The following STPG2 variants were observed in gnomAD, a reference collection of about 807,000 sequenced individuals.
STPG2 encodes sperm tail PG-rich repeat containing 2, also known as sperm-tail PG-rich repeat-containing protein 2.
A neutral mutation model predicts 54.2 loss-of-function variants in STPG2; 56 were observed. The observed-to-expected ratio is 1.03, with a 90% CI of 0.83 to 1.29. STPG2 has a LOEUF of 1.29. STPG2 is among the 50% of genes most tolerant of loss of function. The pLI is 0.00. For missense variants in STPG2, 596 were observed against 544.9 expected, an observed-to-expected ratio of 1.09 and a Z score of -0.93; for synonymous variants, 200 against 181.8, an observed-to-expected ratio of 1.10 and a Z score of -0.81.
At chr4:98,006,206 G>A (rs1032851999) in intron 5 of STPG2, among the ~76,000 whole-genome samples, 10 of 152,158 alleles carry the variant, frequency 6.6e-5, no homozygotes, top group Non-Finnish European at 1.0e-4. Context: ...AAGAGAAGTT[G>A]GTCAGACAGC....
chr4:97,515,823 TATAG>T (rs1374852711), intron 4 of STPG2, among the ~76,000 whole-genome samples: 1 of 152,022 alleles, frequency 6.6e-6, no homozygotes, highest in Non-Finnish European at 1.5e-5. Flanking sequence ...TGTGTATATA[TATAG>T]AGAGAGAGGT....
intron 4 of STPG2, among the ~76,000 whole-genome samples, chr4:97,543,999 A>G (rs1485974171): frequency 2.0e-5 from 3 of 152,134 alleles, no homozygotes; most frequent in African/African-American, 7.2e-5. Flanking sequence ...AAAAACCTTA[A>G]TCATAATAGA....
intron 5 of STPG2, among the ~76,000 whole-genome samples, chr4:98,033,141 T>C (rs1736653350): frequency 6.7e-6 from 1 of 150,026 alleles, no homozygotes; most frequent in South Asian, 2.1e-4. Context: ...AAAAAACCCT[T>C]CAAAAAAATC....
chr4:97,851,409 G>C (rs559604690), intron 8 of STPG2, among the ~76,000 whole-genome samples: 1 of 152,276 alleles, frequency 6.6e-6, no homozygotes, highest in East Asian at 1.9e-4. Flanking sequence ...TTCCATGACA[G>C]TAGGGCTGAC....
At chr4:97,904,091 G>A (rs1003421303) in intron 8 of STPG2, among the ~76,000 whole-genome samples, 1 of 152,226 alleles carries the variant, frequency 6.6e-6, no homozygotes, top group Non-Finnish European at 1.5e-5. Context: ...ACTGGGTGGA[G>A]CCCACCACAG....
intron 4 of STPG2, among the ~76,000 whole-genome samples, chr4:97,481,867 C>G (rs901514878): frequency 6.6e-6 from 1 of 151,570 alleles, no homozygotes; most frequent in East Asian, 1.9e-4. Flanking sequence ...GCTAGGAACT[C>G]CAGTGCTATG....
intron 10 of STPG2, among the ~76,000 whole-genome samples, chr4:97,623,079 C>T (rs1226444748): frequency 3.3e-5 from 5 of 152,028 alleles, no homozygotes; most frequent in Non-Finnish European, 7.4e-5. Context: ...CAGGTTAAAA[C>T]TGGACCCTTT....
chr4:98,044,240 C>G (rs889722100), intron 5 of STPG2, among the ~76,000 whole-genome samples: 31 of 152,180 alleles, frequency 2.0e-4, no homozygotes, highest in Middle Eastern at 3.4e-3. Context: ...TAATATACTA[C>G]TTTCTTTTGA....
chr4:97,452,746 TCTCCTCTC>T (rs1729409399), intron 4 of STPG2, among the ~76,000 whole-genome samples: 2 of 151,944 alleles, frequency 1.3e-5, no homozygotes, highest in Non-Finnish European at 2.9e-5. Context: ...CACTCCAGGG[TCTCCTCTC>T]TGCTGAGAGT....
chr4:97,917,864 A>C (rs79395698), intron 8 of STPG2, among the ~76,000 whole-genome samples: 1 of 152,136 alleles, frequency 6.6e-6, no homozygotes, highest in South Asian at 2.1e-4. Context: ...TAAATATTTC[A>C]TAACTATATC....
chr4:97,876,731 A>G (rs1730185238), intron 8 of STPG2, among the ~76,000 whole-genome samples: 1 of 152,074 alleles, frequency 6.6e-6, no homozygotes, highest in Admixed American at 6.6e-5. Context: ...ATGCATAAAT[A>G]TCATTTTTTC....
chr4:97,955,096 A>C (rs965581398), intron 7 of STPG2, among the ~76,000 whole-genome samples: 2 of 152,200 alleles, frequency 1.3e-5, no homozygotes, highest in Non-Finnish European at 2.9e-5. Flanking sequence ...TTAAGAACTC[A>C]ATAGATTGAT....
chr4:97,909,023 A>G (rs1731569732), intron 8 of STPG2, among the ~76,000 whole-genome samples: 1 of 148,566 alleles, frequency 6.7e-6, no homozygotes, highest in African/African-American at 2.5e-5. Context: ...AATAATAATA[A>G]TAATAATAAT....
intron 9 of STPG2, among the ~76,000 whole-genome samples, chr4:97,746,988 T>A (rs1243705918): frequency 2.0e-5 from 3 of 149,194 alleles, no homozygotes; most frequent in Non-Finnish European, 4.5e-5. Context: ...GTGGGAAGGA[T>A]AGCATGTGCA....
At chr4:97,779,745 C>G (rs1726537157) in intron 9 of STPG2, among the ~76,000 whole-genome samples, 1 of 152,156 alleles carries the variant, frequency 6.6e-6, no homozygotes, top group African/African-American at 2.4e-5. Flanking sequence ...AGCAGAAACT[C>G]TACAAGCCAG....
At chr4:98,022,150 T>G (rs200269871) in intron 5 of STPG2, among the ~76,000 whole-genome samples, 56,546 of 149,466 alleles carry the variant, frequency 0.38, 10,341 homozygotes, top group African/African-American at 0.44. Flanking sequence ...TTGCAGTGGC[T>G]GGTACTGGTT....
At chr4:97,514,920 A>G (rs1419376224) in intron 4 of STPG2, among the ~76,000 whole-genome samples, 2 of 152,146 alleles carry the variant, frequency 1.3e-5, no homozygotes, top group African/African-American at 4.8e-5. Context: ...GAATATAAAC[A>G]TTAAAATACA....
intron 5 of STPG2, among the ~76,000 whole-genome samples, chr4:98,012,431 C>G: frequency 6.6e-6 from 1 of 151,948 alleles, no homozygotes; most frequent in Non-Finnish European, 1.5e-5. Context: ...TTGGCTATAC[C>G]AGCTCTTTTT....
At chr4:97,935,610 C>T (rs1732721431) in intron 8 of STPG2, among the ~76,000 whole-genome samples, 1 of 152,072 alleles carries the variant, frequency 6.6e-6, no homozygotes, top group Non-Finnish European at 1.5e-5. Flanking sequence ...CAATGAACTT[C>T]TTGATTTCTG....
Sources: allele counts gnomAD v4.1 joint callset (sites outside exome capture counted in the v4.1 genomes callset), GRCh38; gene constraint gnomAD v4.1.1; transcripts MANE v1.5; gene names NCBI Gene and HGNC (gene_info 2026-07-23, HGNC 2026-07-21).